Variants in CCDC62 observed in about 807,000 individuals in gnomAD.
The protein encoded by CCDC62 is coiled-coil domain-containing protein 62.
A neutral mutation model predicts 80.8 loss-of-function variants in CCDC62; 72 were observed. The observed-to-expected ratio is 0.89, with a 90% CI of 0.74 to 1.08. CCDC62 has a LOEUF of 1.08. Ranked by LOEUF, CCDC62 falls within the 50% of genes least tolerant of loss-of-function variation. CCDC62 has a pLI of 0.00. For missense variants in CCDC62, 704 were observed against 809.4 expected (o/e 0.87, Z 1.58); for synonymous variants, 286 against 296.5 (o/e 0.96, Z 0.36).
At position 122,796,875 on chromosome 12, in the gene CCDC62, T is replaced by C. The variant is rs1222140315; in HGVS notation, c.773-432T>C. Among the ~76,000 whole-genome samples the C allele has an allele frequency of 1.2e-3, 6 of 5,030 alleles. No individual in the cohort carries two copies. The Admixed American group carries it at 0.029, about 24-fold the overall frequency. The allele number at this position is 5,030 out of a possible 152,430, so 3.3% of individuals were successfully genotyped here. ...AATCCCTGAATCTACAAATCACTTC[T>C]TCTTTTTTTTTTTTTTTTTTTAAGA... is the stretch of plus-strand genomic sequence containing the variant. On this transcript the variant is annotated intron_variant, in intron 6 of 12. Coordinates refer to ENST00000253079, the MANE Select transcript of CCDC62 (RefSeq NM_201435.5).
At chr12:122,819,634 A>G (rs555896447) in intron 11 of CCDC62, among the ~76,000 whole-genome samples, 1 of 152,236 alleles carries the variant, frequency 6.6e-6, no homozygotes, top group Non-Finnish European at 1.5e-5. Flanking sequence ...GCTGTGGTCC[A>G]CCCACACGGT....
chr12:122,787,349 G>T (rs2030318438), intron 4 of CCDC62, among the ~76,000 whole-genome samples: 1 of 152,062 alleles, frequency 6.6e-6, no homozygotes, highest in Non-Finnish European at 1.5e-5. Flanking sequence ...TACTCTGGAG[G>T]CTGGGGTGGG....
rs549253382 is a variant in CCDC62 at position 122,811,778 on chromosome 12, C to T, written c.1852-1492C>T. Among the ~76,000 whole-genome samples the T allele has an allele frequency of 6.6e-4, 86 of 130,152 alleles. 2 individuals are homozygous for T. The South Asian group carries it at 0.019, about 29-fold the overall frequency. The allele number at this position is 130,152 out of a possible 152,430, so 85.4% of individuals were successfully genotyped here. ...TGGAGGTTGCAGTGAGCTGAGATCACGCCACTGCACTCCAGCCTGGCAACA... is the reference window on the plus strand; with the variant it reads ...TGGAGGTTGCAGTGAGCTGAGATCATGCCACTGCACTCCAGCCTGGCAACA... On this transcript the variant is annotated intron_variant, in intron 10 of 12. Coordinates refer to ENST00000253079, the MANE Select transcript of CCDC62 (RefSeq NM_201435.5).
chr12:122,779,907 C>CAAAAAAA (rs35466260), intron 2 of CCDC62, among the ~76,000 whole-genome samples: 1 of 63,518 alleles, frequency 1.6e-5, no homozygotes. Flanking sequence ...GACTCTGTCT[C>CAAAAAAA]AAAAAAAAAA....
intron 8 of CCDC62, among the ~76,000 whole-genome samples, 200 bp from the exon 9 acceptor site, chr12:122,800,924 A>G (rs565883975): frequency 6.6e-6 from 1 of 152,312 alleles, no homozygotes; most frequent in South Asian, 2.1e-4. Context: ...AGTAAGTGCA[A>G]TAAGAGGAGG....
At chr12:122,825,993 CAAAAA>C (rs61129769) in intron 12 of CCDC62, among the ~76,000 whole-genome samples, 10 of 110,382 alleles carry the variant, frequency 9.1e-5, no homozygotes, top group South Asian at 3.1e-4. Context: ...AACTCCGTCT[CAAAAA>C]AAAAAAAAAA....
In CCDC62 at chr12:122,823,282, C is replaced by T. The variant is rs186559539; in HGVS notation, c.2002-84C>T. 159 of 997,392 alleles carry T rather than the reference C, an allele frequency of 1.6e-4. No individual in the cohort carries two copies. The East Asian group carries it at 3.7e-3, about 23-fold the overall frequency. 61.8% of individuals were successfully genotyped at this position (997,392 alleles called of 1,614,324 possible). A position where few individuals can be genotyped will look rare whatever the true frequency, so the allele number is the denominator to read the frequency against. On this transcript the variant is annotated intron_variant, in intron 11 of 12. Coordinates refer to ENST00000253079, the MANE Select transcript of CCDC62 (RefSeq NM_201435.5). Reference sequence around the variant, plus strand: ...AGCCTCATCTAACATCTCTTAAAGGCATTTCTGCTATATTTGTGTTTAGTC... The same window carrying T: ...AGCCTCATCTAACATCTCTTAAAGGTATTTCTGCTATATTTGTGTTTAGTC...
At chr12:122,774,767 T>C in intron 1 of CCDC62, 61 bp downstream of exon 1, 1 of 1,177,824 alleles carries the variant, frequency 8.5e-7, no homozygotes, top group Non-Finnish European at 1.1e-6. Context: ...GGTCGAAATC[T>C]ATTGCTTCTC....
intron 11 of CCDC62, among the ~76,000 whole-genome samples, chr12:122,822,405 A>G (rs1210541375): frequency 6.6e-6 from 1 of 151,698 alleles, no homozygotes; most frequent in Non-Finnish European, 1.5e-5. Context: ...CACCTGGCCA[A>G]TACATTATTA....
chr12:122,817,018 T>C (rs1235240551), intron 11 of CCDC62, among the ~76,000 whole-genome samples: 1 of 150,866 alleles, frequency 6.6e-6, no homozygotes, highest in Non-Finnish European at 1.5e-5. Context: ...AAAGATTACA[T>C]GCCAGTTTAT....
At chr12:122,794,829 T>C (rs1278107704) in intron 6 of CCDC62, among the ~76,000 whole-genome samples, 1 of 151,978 alleles carries the variant, frequency 6.6e-6, no homozygotes, top group Non-Finnish European at 1.5e-5. Flanking sequence ...GCTAATTTTA[T>C]TTTATTTTAT....
chr12:122,802,273 A>G (rs1327855450), intron 9 of CCDC62, among the ~76,000 whole-genome samples: 1 of 152,074 alleles, frequency 6.6e-6, no homozygotes, highest in African/African-American at 2.4e-5. Context: ...CCTAGACCCC[A>G]TATAAAAATG....
chr12:122,807,715 TGA>T (rs1381555548), intron 10 of CCDC62, among the ~76,000 whole-genome samples: 159 of 152,204 alleles, frequency 1.0e-3, no homozygotes, highest in Non-Finnish European at 1.8e-3. Flanking sequence ...AGACTAATAG[TGA>T]CACATTCATT....
intron 1 of CCDC62, among the ~76,000 whole-genome samples, chr12:122,775,846 C>T (rs1879416990): frequency 6.6e-6 from 1 of 152,232 alleles, no homozygotes; most frequent in Admixed American, 6.5e-5. Context: ...CTCCCGACCT[C>T]AGGTGATCTG....
chr12:122,793,973 C>T (rs1307577548), intron 6 of CCDC62, among the ~76,000 whole-genome samples: 1 of 152,152 alleles, frequency 6.6e-6, no homozygotes. Context: ...ATTTGTACGC[C>T]AGGTGCCCTG....
At chr12:122,800,417 TAAAAA>T (rs1177675359) in intron 8 of CCDC62, among the ~76,000 whole-genome samples, 1 of 148,664 alleles carries the variant, frequency 6.7e-6, no homozygotes, top group Admixed American at 6.8e-5. Flanking sequence ...CCTGTCTCTA[TAAAAA>T]AAAAATTTTT....
intron 1 of CCDC62, among the ~76,000 whole-genome samples, chr12:122,774,974 A>G (rs1174637904): frequency 1.3e-5 from 2 of 150,768 alleles, no homozygotes; most frequent in South Asian, 2.1e-4. Context: ...GGCGCCTGTA[A>G]TCCCAGCTAC....
chr12:122,821,740 C>T (rs765845589), intron 11 of CCDC62, among the ~76,000 whole-genome samples: 8 of 151,980 alleles, frequency 5.3e-5, no homozygotes, highest in Non-Finnish European at 7.4e-5. Flanking sequence ...AGCCACTGTG[C>T]GTAGCCACTA....
At chr12:122,798,845 C>T (rs990910313) in intron 8 of CCDC62, among the ~76,000 whole-genome samples, 1 of 151,808 alleles carries the variant, frequency 6.6e-6, no homozygotes, top group Non-Finnish European at 1.5e-5. Flanking sequence ...TTTGGGAGGC[C>T]GAGGCAGGTG....
Sources: gnomAD v4.1 joint callset for allele counts (sites outside exome capture counted in the v4.1 genomes callset) on GRCh38, gnomAD v4.1.1 for gene constraint, MANE v1.5 for transcripts, NCBI Gene and HGNC (gene_info 2026-07-23, HGNC 2026-07-21) for gene names.